Variants in TBC1D2B observed in about 807,000 individuals in gnomAD.
The protein encoded by TBC1D2B is TBC1 domain family member 2B.
TBC1D2B carries 64 observed loss-of-function variants against 100.8 expected under a neutral mutation model. The observed-to-expected ratio is 0.64, with a 90% CI of 0.52 to 0.78. The LOEUF (loss-of-function observed/expected upper bound fraction) is 0.78. Among genes scored for constraint, TBC1D2B ranks in the 30% least tolerant of loss-of-function variants. The pLI is 0.00. For synonymous variants in TBC1D2B, 480 were observed against 479.7 expected, an observed-to-expected ratio of 1.00 and a Z score of -0.01; for missense variants, 1,052 against 1,218.4, an observed-to-expected ratio of 0.86 and a Z score of 2.03.
At chr15:77,999,902 G>T (rs2071865914) in intron 12 of TBC1D2B, among the ~76,000 whole-genome samples, 2 of 152,172 alleles carry the variant, frequency 1.3e-5, no homozygotes. Flanking sequence ...GCCTTAAAAG[G>T]CTCCTAGAAG....
chr15:78,020,229 C>A (rs765998413), intron 6 of TBC1D2B, among the ~76,000 whole-genome samples: 29 of 152,158 alleles, frequency 1.9e-4, no homozygotes, highest in Non-Finnish European at 4.3e-4. Context: ...TACTAAAAGG[C>A]AGGTCAGCCA....
rs1341608368 is a variant in TBC1D2B, at chr15:77,996,901, A to ATC, written c.*1258_*1259insGA. On this transcript the variant is annotated 3_prime_UTR_variant, in exon 13 of 13. Coordinates refer to ENST00000300584, the MANE Select transcript of TBC1D2B (RefSeq NM_144572.2). ...TACGCATCAGGGATGGTCTAGAGCG[A>ATC]TTAAGCAAAAACAAGCTCCTTGCTC... is the stretch of plus-strand genomic sequence containing the variant. The ATC allele has an allele frequency of 1.3e-5, 2 of 152,254 alleles. No individual in the cohort carries two copies. Among genetic ancestry groups the ATC allele is most frequent in the African/African-American group, 2.4e-5 (1 of 41,472 alleles). 9.4% of individuals were successfully genotyped at this position (152,254 alleles called of 1,614,324 possible).
chr15:78,054,481 T>C (rs928648843), intron 1 of TBC1D2B, among the ~76,000 whole-genome samples: 3 of 152,252 alleles, frequency 2.0e-5, no homozygotes, highest in Admixed American at 6.5e-5. Flanking sequence ...GATGTGATAA[T>C]ACTGCTGCTC....
intron 8 of TBC1D2B, among the ~76,000 whole-genome samples, chr15:78,015,165 T>C (rs924981348): frequency 2.0e-5 from 3 of 151,922 alleles, no homozygotes; most frequent in African/African-American, 7.3e-5. Flanking sequence ...TGTGCCACTG[T>C]ACTCCAGCCT....
chr15:78,031,749 T>C (rs186110488), intron 3 of TBC1D2B, among the ~76,000 whole-genome samples: 19 of 151,888 alleles, frequency 1.3e-4, no homozygotes, highest in African/African-American at 4.1e-4. Flanking sequence ...CCAGTGAAGA[T>C]GGAATAACAA....
chr15:78,002,039 GCATAAAGAACAAA>G, intron 11 of TBC1D2B: 1 of 200,486 alleles, frequency 5.0e-6, no homozygotes, highest in East Asian at 1.2e-4. Context: ...AGTCAATAAA[GCATAAAGAACAAA>G]CATAAGGAAT....
chr15:78,021,442 G>A (rs1200075615), intron 6 of TBC1D2B, among the ~76,000 whole-genome samples: 2 of 152,116 alleles, frequency 1.3e-5, no homozygotes, highest in East Asian at 1.9e-4. Flanking sequence ...GAACACACAC[G>A]AGAACACCCA....
intron 12 of TBC1D2B, among the ~76,000 whole-genome samples, chr15:77,999,683 A>T (rs1183546756): frequency 6.6e-6 from 1 of 151,946 alleles, no homozygotes; most frequent in East Asian, 1.9e-4. Flanking sequence ...ACAAACCCCA[A>T]ACCTACGGCG....
chr15:77,995,920 G>C lies in TBC1D2B; in HGVS notation c.*2240C>G, dbSNP rs1340550956. 1 of 151,660 alleles carries C rather than the reference G, an allele frequency of 6.6e-6. No individual in the cohort carries two copies. Among genetic ancestry groups the C allele is most frequent in the African/African-American group, 2.4e-5 (1 of 41,316 alleles). 9.4% of individuals were successfully genotyped at this position (151,660 alleles called of 1,614,324 possible). On this transcript the variant is annotated 3_prime_UTR_variant, in exon 13 of 13. Coordinates refer to ENST00000300584, the MANE Select transcript of TBC1D2B (RefSeq NM_144572.2). Reference sequence around the variant, plus strand: ...TCAGGGCACTGGAGGGGACAGAGCAGCTCTTTCCTCAGTGACCCGAGGGAG... The same window carrying C: ...TCAGGGCACTGGAGGGGACAGAGCACCTCTTTCCTCAGTGACCCGAGGGAG...
At chr15:78,004,427 G>A (rs2072012050) in intron 10 of TBC1D2B, among the ~76,000 whole-genome samples, 1 of 152,176 alleles carries the variant, frequency 6.6e-6, no homozygotes, top group East Asian at 1.9e-4. Flanking sequence ...GGGAGGTGAG[G>A]CAGCACAGCC....
At chr15:78,056,685 T>A (rs1596327168) in intron 1 of TBC1D2B, among the ~76,000 whole-genome samples, 1 of 92,798 alleles carries the variant, frequency 1.1e-5, no homozygotes, top group South Asian at 4.0e-4. Context: ...CCAGTCCTCC[T>A]CTTTTTTTTT....
chr15:78,013,952 G>T (rs1246249472), intron 8 of TBC1D2B, among the ~76,000 whole-genome samples: 1 of 152,216 alleles, frequency 6.6e-6, no homozygotes, highest in Non-Finnish European at 1.5e-5. Flanking sequence ...GTCAGTCAGA[G>T]AAATGTCAGG....
At chr15:78,013,381 C>G (rs1233797479) in intron 8 of TBC1D2B, 64 bp from the exon 9 acceptor site, 8 of 1,440,216 alleles carry the variant, frequency 5.6e-6, no homozygotes, top group Non-Finnish European at 7.4e-6. Flanking sequence ...ACCAATGCAA[C>G]AGAAATAGAG....
intron 1 of TBC1D2B, among the ~76,000 whole-genome samples, chr15:78,058,396 C>A (rs193189431): frequency 7.9e-4 from 120 of 152,310 alleles, no homozygotes; most frequent in African/African-American, 2.7e-3. Context: ...TTTAAACAGG[C>A]GCCTCCATAT....
chr15:78,075,336 C>A (rs2073811894), intron 1 of TBC1D2B, among the ~76,000 whole-genome samples: 1 of 151,986 alleles, frequency 6.6e-6, no homozygotes, highest in Admixed American at 6.6e-5. Context: ...ATAACTGGGA[C>A]TACAGGCACC....
chr15:78,056,370 G>C (rs1265188301), intron 1 of TBC1D2B, among the ~76,000 whole-genome samples: 1 of 152,214 alleles, frequency 6.6e-6, no homozygotes, highest in African/African-American at 2.4e-5. Flanking sequence ...GAACTTAGCA[G>C]GGCACTGACA....
chr15:78,057,533 C>T (rs2073451051), intron 1 of TBC1D2B, among the ~76,000 whole-genome samples: 1 of 152,104 alleles, frequency 6.6e-6, no homozygotes, highest in Admixed American at 6.5e-5. Context: ...GTAATCCCAG[C>T]TACTTGGGAG....
At chr15:78,040,784 A>AGAAG (rs1349885339) in intron 3 of TBC1D2B, among the ~76,000 whole-genome samples, 5 of 142,982 alleles carry the variant, frequency 3.5e-5, no homozygotes, top group Admixed American at 2.8e-4. Flanking sequence ...AAAGAAAGAA[A>AGAAG]GAAGGAAGGA....
At chr15:78,053,895 T>G in intron 2 of TBC1D2B, 139 bp downstream of exon 2, 1 of 983,600 alleles carries the variant, frequency 1.0e-6, no homozygotes, top group Non-Finnish European at 1.5e-6. Flanking sequence ...GCTGGGTAAC[T>G]GTGGAATGCT....
Sources: gnomAD v4.1 joint callset for allele counts (sites outside exome capture counted in the v4.1 genomes callset) on GRCh38, gnomAD v4.1.1 for gene constraint, MANE v1.5 for transcripts, NCBI Gene and HGNC (gene_info 2026-07-23, HGNC 2026-07-21) for gene names.